KCNQ5: variants seen among roughly 807,000 people sequenced by gnomAD.
KCNQ5 encodes the protein potassium voltage-gated channel subfamily Q member 5.
Under a neutral mutation model 98.2 loss-of-function variants are expected in KCNQ5, and 30 were observed. The ratio of observed to expected loss-of-function variants is 0.31; its 90% CI spans 0.23 to 0.41. The LOEUF is 0.41. Among genes scored for constraint, KCNQ5 ranks in the 10% least tolerant of loss-of-function variants. KCNQ5 has a pLI of 1.00. For synonymous variants in KCNQ5, 458 were observed against 449.4 expected, an observed-to-expected ratio of 1.02 and a Z score of -0.24; for missense variants, 835 against 1,182.5, an observed-to-expected ratio of 0.71 and a Z score of 4.31.
At chr6:73,004,486 T>TTA (rs1196420325) in intron 2 of KCNQ5, among the ~76,000 whole-genome samples, 1 of 152,210 alleles carries the variant, frequency 6.6e-6, no homozygotes, top group African/African-American at 2.4e-5. Context: ...ACAGACTGCA[T>TTA]TATGAGTTTT....
At chr6:73,123,314 A>T (rs1384981281) in intron 8 of KCNQ5, among the ~76,000 whole-genome samples, 2 of 152,264 alleles carry the variant, frequency 1.3e-5, no homozygotes, top group Admixed American at 6.5e-5. Context: ...CAGGGGGAAG[A>T]TCAATTTATC....
intron 1 of KCNQ5, among the ~76,000 whole-genome samples, chr6:72,652,963 AC>A (rs1020878645): frequency 1.3e-5 from 2 of 152,148 alleles, no homozygotes; most frequent in African/African-American, 4.8e-5. Flanking sequence ...AATGCTGTTT[AC>A]AGCATTCTGT....
chr6:72,748,377 G>A (rs1236182001), intron 1 of KCNQ5, among the ~76,000 whole-genome samples: 1 of 151,992 alleles, frequency 6.6e-6, no homozygotes, highest in Non-Finnish European at 1.5e-5. Flanking sequence ...TAAAACAACC[G>A]CCTATTGGTG....
intron 1 of KCNQ5, among the ~76,000 whole-genome samples, chr6:72,728,522 A>G (rs1025130245): frequency 6.6e-6 from 1 of 152,160 alleles, no homozygotes; most frequent in Non-Finnish European, 1.5e-5. Context: ...CCTGTGAACA[A>G]TCCATTCAAA....
At chr6:73,098,077 G>A (rs1774594711) in intron 5 of KCNQ5, among the ~76,000 whole-genome samples, 3 of 152,082 alleles carry the variant, frequency 2.0e-5, no homozygotes, top group Admixed American at 2.0e-4. Context: ...CAAATAAATT[G>A]AAATAATTAA....
chr6:72,749,547 A>T (rs1451298709), intron 1 of KCNQ5, among the ~76,000 whole-genome samples: 1 of 152,062 alleles, frequency 6.6e-6, no homozygotes, highest in Non-Finnish European at 1.5e-5. Context: ...GCTCACAAGT[A>T]GCCAAAGGGA....
At chr6:73,142,759 T>C (rs1776772753) in intron 10 of KCNQ5, among the ~76,000 whole-genome samples, 1 of 151,794 alleles carries the variant, frequency 6.6e-6, no homozygotes, top group African/African-American at 2.4e-5. Flanking sequence ...CTACTAAAAA[T>C]ACAAAAATTA....
chr6:73,068,300 A>AAAT (rs1047270953), intron 3 of KCNQ5, among the ~76,000 whole-genome samples: 1 of 152,074 alleles, frequency 6.6e-6, no homozygotes, highest in Non-Finnish European at 1.5e-5. Flanking sequence ...CCGTCTCAAA[A>AAAT]AATAATAATA....
intron 1 of KCNQ5, among the ~76,000 whole-genome samples, chr6:72,657,526 T>C (rs1475784761): frequency 2.0e-5 from 3 of 152,210 alleles, no homozygotes; most frequent in African/African-American, 7.2e-5. Flanking sequence ...TTATTTTACT[T>C]CTGAAGGTTT....
chr6:72,860,275 C>T (rs950950850), intron 1 of KCNQ5, among the ~76,000 whole-genome samples: 9 of 152,102 alleles, frequency 5.9e-5, no homozygotes, highest in Non-Finnish European at 1.2e-4. Context: ...AGGTAGCAGA[C>T]CGTAAAAAAT....
At chr6:73,088,121 A>T (rs1774068618) in intron 5 of KCNQ5, among the ~76,000 whole-genome samples, 1 of 147,882 alleles carries the variant, frequency 6.8e-6, no homozygotes, top group African/African-American at 2.5e-5. Context: ...TCCTAGATTC[A>T]ATCAATTCCC....
chr6:72,956,528 TTTTC>T (rs1282154898), intron 1 of KCNQ5, among the ~76,000 whole-genome samples: 9 of 149,774 alleles, frequency 6.0e-5, no homozygotes, highest in Non-Finnish European at 1.0e-4. Context: ...TTAACCCTTT[TTTTC>T]TTTCTTTCTT....
At chr6:73,139,611 T>G (rs949814779) in intron 10 of KCNQ5, among the ~76,000 whole-genome samples, 3 of 152,164 alleles carry the variant, frequency 2.0e-5, no homozygotes, top group Admixed American at 2.0e-4. Flanking sequence ...CACTTTTCTC[T>G]CATCACATCA....
intron 1 of KCNQ5, among the ~76,000 whole-genome samples, chr6:72,846,133 C>A (rs1307570949): frequency 6.6e-6 from 1 of 152,086 alleles, no homozygotes; most frequent in African/African-American, 2.4e-5. Context: ...ACTACTCCAG[C>A]TTAGAGGAAA....
At chr6:72,632,466 T>G (rs2098921534) in intron 1 of KCNQ5, among the ~76,000 whole-genome samples, 1 of 151,990 alleles carries the variant, frequency 6.6e-6, no homozygotes, top group Non-Finnish European at 1.5e-5. Context: ...TTTTAAAAAA[T>G]CAACTTTTAT....
chr6:73,096,907 G>A (rs1219114535), intron 5 of KCNQ5, among the ~76,000 whole-genome samples: 3 of 152,130 alleles, frequency 2.0e-5, no homozygotes, highest in Non-Finnish European at 4.4e-5. Context: ...GCTGGGTGTG[G>A]TGGCGGATGC....
chr6:72,781,717 T>C (rs1773482869), intron 1 of KCNQ5, among the ~76,000 whole-genome samples: 1 of 152,136 alleles, frequency 6.6e-6, no homozygotes, highest in Non-Finnish European at 1.5e-5. Context: ...AGACCTACTT[T>C]ATAACCAAAA....
chr6:72,975,486 G>C (rs1410283074), intron 1 of KCNQ5, among the ~76,000 whole-genome samples: 1 of 152,024 alleles, frequency 6.6e-6, no homozygotes, highest in Non-Finnish European at 1.5e-5. Context: ...CTTTCTTTTA[G>C]CTCTGGTCAC....
At chr6:73,075,166 T>C (rs1209627398) in intron 3 of KCNQ5, among the ~76,000 whole-genome samples, 1 of 152,114 alleles carries the variant, frequency 6.6e-6, no homozygotes, top group Non-Finnish European at 1.5e-5. Flanking sequence ...TATGCATATA[T>C]TCACTTCAGC....
Sources: allele counts gnomAD v4.1 joint callset (sites outside exome capture counted in the v4.1 genomes callset), GRCh38; gene constraint gnomAD v4.1.1; transcripts MANE v1.5; gene names NCBI Gene and HGNC (gene_info 2026-07-23, HGNC 2026-07-21).